The following VPS13A variants were observed in gnomAD, a reference collection of about 807,000 sequenced individuals.
The protein encoded by VPS13A is intermembrane lipid transfer protein VPS13A.
VPS13A carries 264 observed loss-of-function variants against 390.9 expected under a neutral mutation model. The observed-to-expected ratio is 0.68, with a 90% CI of 0.61 to 0.75. VPS13A has a LOEUF of 0.75. Among genes scored for constraint, VPS13A ranks in the 30% least tolerant of loss-of-function variants. The pLI, the probability that VPS13A is intolerant of heterozygous loss-of-function variation, is 0.00. For missense variants in VPS13A, 3,409 were observed against 3,733.9 expected, an observed-to-expected ratio of 0.91 and a Z score of 2.27; for synonymous variants, 1,231 against 1,227.1, an observed-to-expected ratio of 1.00 and a Z score of -0.07.
intron 23 of VPS13A, among the ~76,000 whole-genome samples, chr9:77,270,709 G>A (rs958286525): frequency 6.6e-6 from 1 of 151,858 alleles, no homozygotes; most frequent in African/African-American, 2.4e-5. Context: ...AAAAAAAATT[G>A]TACAATATGT....
chr9:77,331,945 T>G (rs1209516053), intron 45 of VPS13A, 65 bp from the exon 46 acceptor site: 1 of 1,127,818 alleles, frequency 8.9e-7, no homozygotes, highest in African/African-American at 1.5e-5. Flanking sequence ...ATGGACATAT[T>G]TTTTTTACAC....
At chr9:77,304,292 C>G (rs1564711321) in intron 34 of VPS13A, among the ~76,000 whole-genome samples, 1 of 152,130 alleles carries the variant, frequency 6.6e-6, no homozygotes, top group Non-Finnish European at 1.5e-5. Context: ...CAGGTTGGGT[C>G]AAAGTGGCTG....
At chr9:77,275,989 T>C in intron 25 of VPS13A, 76 bp from the exon 26 acceptor site, 1 of 1,473,748 alleles carries the variant, frequency 6.8e-7, no homozygotes, top group East Asian at 2.3e-5. Context: ...ACCTCATATA[T>C]TCACATGTAA....
chr9:77,314,078 G>A lies in VPS13A; in HGVS notation c.4201G>A (p.Asp1401Asn). The A allele has an allele frequency of 6.2e-7, 1 of 1,613,302 alleles. No individual in the cohort carries two copies. Among genetic ancestry groups the A allele is most frequent in the Non-Finnish European group, 8.5e-7 (1 of 1,179,578 alleles). Reference protein sequence around the residue: ...KTTLNISFKTDDLTMVLYSPG... With the variant: ...KTTLNISFKTNDLTMVLYSPG... ...AACACTAAACATAAGCTTCAAAACT[G>A]ATGATCTCACCATGGTGCTGTATAG... Residue 1401 changes from aspartate (D) to asparagine (N), a missense_variant, in exon 36 of 72, where the codon GAT becomes AAT. Physicochemically the swap from Asp to Asn is conservative, Grantham distance 23. Transcript: ENST00000360280.
intron 68 of VPS13A, among the ~76,000 whole-genome samples, chr9:77,395,333 G>A (rs529115070): frequency 2.0e-4 from 30 of 152,294 alleles, no homozygotes; most frequent in African/African-American, 4.1e-4. Context: ...CGTCCAATCA[G>A]TGGGGCAGTC....
rs1313733169 is a variant in VPS13A, at chr9:77,351,410, A to T, written c.7383A>T (p.Arg2461Ser). ...DPVGSRRLKW[R>S]CRKSHGEVTQ... is the part of the protein sequence containing the mutation. The stretch of plus-strand genomic sequence containing the variant: ...TGGGCTCTAGAAGGCTGAAGTGGAG[A>T]TGTAGAAAAAGCCATGGTGAAGTAA... Residue 2461 changes from arginine to serine, a missense_variant, in exon 53 of 72, where the codon AGA becomes AGT. Coordinates refer to ENST00000360280, the MANE Select transcript of VPS13A (RefSeq NM_033305.3). 1 of 1,613,834 alleles carries T rather than the reference A, an allele frequency of 6.2e-7. No homozygotes were observed. The highest frequency in any genetic ancestry group is 8.5e-7 in the Non-Finnish European group (1 of 1,179,838).
chr9:77,203,140 A>T (rs1825428371), intron 3 of VPS13A, among the ~76,000 whole-genome samples: 1 of 152,218 alleles, frequency 6.6e-6, no homozygotes, highest in African/African-American at 2.4e-5. Context: ...AGAATTATAG[A>T]TATATCAAAT....
Position 77,226,545 on chromosome 9 carries a change from G to A in VPS13A, c.1304G>A (p.Trp435Ter). 6.2e-7 allele frequency: 1 copy of A among 1,613,170 alleles called. No homozygotes were observed. The highest frequency in any genetic ancestry group is 8.5e-7 in the Non-Finnish European group (1 of 1,179,452). Residue 435 changes from tryptophan (W) to a stop codon, truncating the protein, a stop_gained, in exon 15 of 72, where the codon TGG (tryptophan) becomes TAG (stop). Transcript: ENST00000360280. LOFTEE classifies it high-confidence loss of function. ...EDNKGWFSWL[W>*]SWSEQNTNEQ... is the part of the protein sequence containing the mutation. The stretch of plus-strand genomic sequence containing the variant: ...AATAAAGGGTGGTTTAGCTGGCTAT[G>A]GTCTTGGTCAGAACAAAATACTAAT...
Position 77,417,828 on chromosome 9 carries a change from G to A in VPS13A, c.*1822G>A, listed in dbSNP as rs747028905. ...GGCAGCCAGCAGGAGTGGGTCTTGT[G>A]ACTAATCCACATGGAAAGGATAGTG... On this transcript the variant is annotated 3_prime_UTR_variant, in exon 72 of 72. Transcript: ENST00000360280. The A allele has an allele frequency of 2.6e-5, 4 of 152,102 alleles. No homozygotes were observed. The highest frequency in any genetic ancestry group is 5.9e-5 in the Non-Finnish European group (4 of 68,022). 9.4% of individuals were successfully genotyped at this position (152,102 alleles called of 1,614,324 possible).
At position 77,282,180 on chromosome 9, in the gene VPS13A, T is replaced by G. The variant is rs1299272835; in HGVS notation, c.3024T>G (p.Asn1008Lys). Residue 1008 changes from asparagine (N) to lysine (K), a missense_variant, in exon 29 of 72, where the codon AAT becomes AAG. Around this residue, in one of 5 missense-constraint regions of VPS13A, gnomAD observed 2,717 missense variants for 2,917.4 expected, o/e 0.93. Transcript: ENST00000360280. Reference protein sequence around the residue: ...LHTEALLNTINYLHNILPQSE... With the variant: ...LHTEALLNTIKYLHNILPQSE... ...CTGAAGCACTTCTGAATACAATAAA[T>G]TATCTTCATAATATCCTTCCGCAAT... is the stretch of plus-strand genomic sequence containing the variant. The G allele has an allele frequency of 6.2e-7, 1 of 1,613,540 alleles. No homozygotes were observed. The highest frequency in any genetic ancestry group is 2.2e-5 in the East Asian group (1 of 44,776).
At chr9:77,180,678 TAAGA>T (rs970696177) in intron 1 of VPS13A, among the ~76,000 whole-genome samples, 68 of 152,286 alleles carry the variant, frequency 4.5e-4, no homozygotes, top group African/African-American at 1.6e-3. Context: ...CACCACTTGC[TAAGA>T]AAGAGGATCC....
chr9:77,323,153 G>T lies in VPS13A; in HGVS notation c.5917G>T (p.Val1973Phe), dbSNP rs41289969. ...CACTGTAAGACACAGAGAGTCTGGCGTTGAAAGATCTATTGTTTGTCAAAT... is the reference window on the plus strand; with the variant it reads ...CACTGTAAGACACAGAGAGTCTGGCTTTGAAAGATCTATTGTTTGTCAAAT... ...LYTVRHRESG[V>F]ERSIVCQIDT... Residue 1973 changes from valine to phenylalanine, a missense_variant, in exon 45 of 72, where the codon GTT becomes TTT. Physicochemically the swap from Val to Phe is conservative, Grantham distance 50 (BLOSUM62 -1). Around this residue, in one of 5 missense-constraint regions of VPS13A, gnomAD observed 2,717 missense variants for 2,917.4 expected, o/e 0.93. Transcript: ENST00000360280. The T allele has an allele frequency of 1.9e-6, 3 of 1,613,522 alleles. No individual in the cohort carries two copies. Among genetic ancestry groups the T allele is most frequent in the African/African-American group, 1.3e-5 (1 of 74,996 alleles).
chr9:77,272,695 GA>G (rs1349716658), intron 23 of VPS13A, among the ~76,000 whole-genome samples: 3 of 152,164 alleles, frequency 2.0e-5, no homozygotes, highest in Non-Finnish European at 2.9e-5. Flanking sequence ...ATCATGATGA[GA>G]GGTAGGGAAC....
Position 77,345,316 on chromosome 9 carries a change from G to A in VPS13A, c.7289+174G>A, listed in dbSNP as rs150656442. The stretch of plus-strand genomic sequence containing the variant: ...CATGTAGGGGTAAAACTGACTTGAT[G>A]TCTACAATTTATTTTGAAATGCTTC... On this transcript the variant is annotated intron_variant, in intron 52 of 71. Transcript: ENST00000360280. Among the ~76,000 whole-genome samples the A allele has an allele frequency of 5.8e-3, 878 of 152,286 alleles. 12 individuals are homozygous for A. The highest frequency in any genetic ancestry group is 0.02 in the African/African-American group (848 of 41,568).
intron 26 of VPS13A, among the ~76,000 whole-genome samples, chr9:77,277,882 G>C (rs1826779915): frequency 6.6e-6 from 1 of 152,092 alleles, no homozygotes; most frequent in African/African-American, 2.4e-5. Flanking sequence ...GTGAACATTT[G>C]AATGCAAGTT....
At chr9:77,415,818 G>A (rs943480168) in intron 71 of VPS13A, 138 bp from the exon 72 acceptor site, 34 of 944,740 alleles carry the variant, frequency 3.6e-5, no homozygotes, top group Non-Finnish European at 4.8e-5. Context: ...CTCTTTTGCA[G>A]GATGAATTTT....
At chr9:77,408,289 C>G (rs975825980) in intron 71 of VPS13A, among the ~76,000 whole-genome samples, 1 of 151,504 alleles carries the variant, frequency 6.6e-6, no homozygotes, top group African/African-American at 2.5e-5. Flanking sequence ...CTCATTATAT[C>G]ATGAAACTTA....
At chr9:77,314,325 G>A (rs1421485459) in intron 36 of VPS13A, among the ~76,000 whole-genome samples, 170 bp from the exon 37 acceptor site, 5 of 151,988 alleles carry the variant, frequency 3.3e-5, no homozygotes, top group African/African-American at 9.7e-5. Context: ...AAAATAAATT[G>A]TAAAATTAAA....
chr9:77,308,222 T>G, intron 35 of VPS13A, 124 bp downstream of exon 35: 1 of 1,091,698 alleles, frequency 9.2e-7, no homozygotes. Context: ...CCTTTCCTTC[T>G]TTCTTTCCTT....
Sources: gnomAD v4.1 joint callset for allele counts (sites outside exome capture counted in the v4.1 genomes callset) on GRCh38, gnomAD v4.1.1 for gene constraint, gnomAD v4.1.1 regional missense constraint, MANE v1.5 for transcripts, NCBI Gene and HGNC (gene_info 2026-07-23, HGNC 2026-07-21) for gene names.